Variants in PHIP observed in about 807,000 individuals in gnomAD.
PHIP encodes the protein PH-interacting protein.
Under a neutral mutation model 236.8 loss-of-function variants are expected in PHIP, and 54 were observed. The observed-to-expected ratio is 0.23, with a 90% confidence interval of 0.18 to 0.29. The LOEUF is 0.29. Among genes scored for constraint, PHIP ranks in the 10% least tolerant of loss-of-function variants. PHIP has a pLI of 1.00. For synonymous variants in PHIP, 756 were observed against 718.9 expected, an observed-to-expected ratio of 1.05 and a Z score of -0.83; for missense variants, 1,370 against 2,190.8, an observed-to-expected ratio of 0.63 and a Z score of 7.48.
At chr6:78,995,705 T>C (rs1384509840) in intron 19 of PHIP, among the ~76,000 whole-genome samples, 1 of 152,242 alleles carries the variant, frequency 6.6e-6, no homozygotes, top group East Asian at 1.9e-4. Flanking sequence ...TTGCCCATTC[T>C]CCGGTTGGAT....
chr6:79,018,962 C>T, intron 10 of PHIP, 127 bp downstream of exon 10: 1 of 603,248 alleles, frequency 1.7e-6, no homozygotes, highest in Non-Finnish European at 3.0e-6. Context: ...TACTTATTAG[C>T]TCTGGCATAT....
chr6:78,946,674 A>G, intron 37 of PHIP, 37 bp downstream of exon 37: 2 of 1,504,094 alleles, frequency 1.3e-6, no homozygotes, highest in Non-Finnish European at 1.8e-6. Flanking sequence ...GATGAAAGTT[A>G]TAGATCAGCT....
At chr6:78,962,956 C>A in intron 30 of PHIP, 141 bp downstream of exon 30, 1 of 662,926 alleles carries the variant, frequency 1.5e-6, no homozygotes, top group Non-Finnish European at 2.5e-6. Flanking sequence ...AGACCACATT[C>A]AAAAAGAGAT....
At chr6:78,946,625 G>A (rs1184228345) in intron 37 of PHIP, 86 bp downstream of exon 37, 10 of 1,463,524 alleles carry the variant, frequency 6.8e-6, no homozygotes, top group African/African-American at 1.5e-5. Context: ...ATAGGGAATA[G>A]TAAAGGAAGT....
intron 24 of PHIP, among the ~76,000 whole-genome samples, chr6:78,971,966 T>G (rs1359001788): frequency 6.6e-6 from 1 of 152,126 alleles, no homozygotes; most frequent in Non-Finnish European, 1.5e-5. Flanking sequence ...CGCCCACCAT[T>G]GCCCAGGCTT....
intron 19 of PHIP, among the ~76,000 whole-genome samples, chr6:78,993,550 G>C (rs1219137976): frequency 1.3e-5 from 2 of 152,076 alleles, no homozygotes; most frequent in Non-Finnish European, 2.9e-5. Flanking sequence ...AAAAATCCTA[G>C]GGCACTTAAG....
intron 6 of PHIP, among the ~76,000 whole-genome samples, chr6:79,045,857 T>C (rs1018041741): frequency 1.2e-4 from 18 of 152,214 alleles, no homozygotes; most frequent in African/African-American, 4.1e-4. Context: ...TTCATAAGTA[T>C]AGTGATAGAA....
At chr6:78,978,995 T>C (rs989564497) in intron 23 of PHIP, among the ~76,000 whole-genome samples, 6 of 152,140 alleles carry the variant, frequency 3.9e-5, no homozygotes, top group Non-Finnish European at 7.4e-5. Context: ...TAAAATGATG[T>C]GTAGGCACTG....
chr6:78,977,232 T>G (rs1250326794), intron 24 of PHIP, among the ~76,000 whole-genome samples: 20 of 151,074 alleles, frequency 1.3e-4, no homozygotes. Context: ...TGTAGGGACA[T>G]GGATGAAATT....
At chr6:78,975,735 CA>C (rs1768005424) in intron 24 of PHIP, among the ~76,000 whole-genome samples, 2 of 151,916 alleles carry the variant, frequency 1.3e-5, no homozygotes, top group African/African-American at 4.8e-5. Flanking sequence ...CAACAACGGA[CA>C]AACAGAGAGC....
chr6:79,008,645 TCTAAGCCTTCTGCACTTCCTTCTC>T (rs1186490523), intron 15 of PHIP, among the ~76,000 whole-genome samples: 1 of 152,078 alleles, frequency 6.6e-6, no homozygotes, highest in Non-Finnish European at 1.5e-5. Context: ...AAAGTTTACT[TCTAAGCCTTCTGCACTTCCTTCTC>T]CTGTCTCCAC....
intron 15 of PHIP, chr6:79,004,487 A>G: frequency 2.5e-6 from 2 of 784,942 alleles, no homozygotes; most frequent in Non-Finnish European, 3.1e-6. Flanking sequence ...TTTTGCTCTC[A>G]GTGCTTCTTC....
At chr6:79,015,602 T>C (rs777713538) in intron 14 of PHIP, 28 bp downstream of exon 14, 1 of 1,514,748 alleles carries the variant, frequency 6.6e-7, no homozygotes, top group Non-Finnish European at 9.0e-7. Context: ...TTCAGTTATA[T>C]CAAATAAAGA....
intron 35 of PHIP, among the ~76,000 whole-genome samples, chr6:78,953,028 CTTAT>C (rs905318070): frequency 6.6e-6 from 1 of 151,354 alleles, no homozygotes; most frequent in Non-Finnish European, 1.5e-5. Flanking sequence ...AGATCACTCC[CTTAT>C]ATAGGTGTTG....
rs189092870 is a variant in PHIP, at chr6:79,061,204, T to G, written c.190-386A>C. 6.4e-4 allele frequency among the ~76,000 whole-genome samples: 97 copies of G among 152,338 alleles called. 1 individual carries two copies. In the South Asian group the frequency reaches 8.1e-3, roughly 13 times the overall value. ...CCATGACATGAAATGCTAATATTTTTATTAGTCTTTCAGTAAATAAACAAT... is the reference window on the plus strand; with the variant it reads ...CCATGACATGAAATGCTAATATTTTGATTAGTCTTTCAGTAAATAAACAAT... On this transcript the variant is annotated intron_variant, in intron 4 of 39. Transcript: ENST00000275034.
At chr6:79,067,250 T>C (rs1329254645) in intron 4 of PHIP, among the ~76,000 whole-genome samples, 2 of 152,116 alleles carry the variant, frequency 1.3e-5, no homozygotes, top group East Asian at 1.9e-4. Flanking sequence ...ATGGGCCCTA[T>C]GGATGCAAAT....
At chr6:78,961,031 G>A (rs1006034617) in intron 31 of PHIP, among the ~76,000 whole-genome samples, 1 of 151,976 alleles carries the variant, frequency 6.6e-6, no homozygotes, top group Non-Finnish European at 1.5e-5. Context: ...CTAAAAACAG[G>A]ATTCCATTAT....
chr6:79,008,894 C>T lies in PHIP; in HGVS notation c.1525-5036G>A, dbSNP rs561098982. 5.9e-5 allele frequency among the ~76,000 whole-genome samples: 9 copies of T among 152,170 alleles called. No homozygotes were observed. The South Asian group carries it at 1.9e-3, about 32-fold the overall frequency. On this transcript the variant is annotated intron_variant, in intron 15 of 39. Coordinates refer to ENST00000275034, the MANE Select transcript of PHIP (RefSeq NM_017934.7). ...ATAAAACCATTGTTCTCAAGGTCACCCGGGCTTAACACTCTATAAACCCAT... is the reference window on the plus strand; with the variant it reads ...ATAAAACCATTGTTCTCAAGGTCACTCGGGCTTAACACTCTATAAACCCAT...
At chr6:79,008,373 A>T (rs1171243932) in intron 15 of PHIP, among the ~76,000 whole-genome samples, 1 of 152,110 alleles carries the variant, frequency 6.6e-6, no homozygotes, top group Non-Finnish European at 1.5e-5. Flanking sequence ...AAAAAAAATT[A>T]TTATATAAAA....
Sources: allele counts gnomAD v4.1 joint callset (sites outside exome capture counted in the v4.1 genomes callset), GRCh38; gene constraint gnomAD v4.1.1; transcripts MANE v1.5; gene names NCBI Gene and HGNC (gene_info 2026-07-23, HGNC 2026-07-21).